Variants in PDSS2 observed in about 807,000 individuals in gnomAD.
PDSS2 encodes all trans-polyprenyl-diphosphate synthase PDSS2.
PDSS2 carries 31 observed loss-of-function variants against 44.5 expected under a neutral mutation model. That is an observed-to-expected ratio of 0.70 (90% CI 0.52 to 0.94). The LOEUF (loss-of-function observed/expected upper bound fraction) is 0.94, where lower values mean the gene tolerates loss of function less well. Ranked by LOEUF, PDSS2 falls within the 40% of genes least tolerant of loss-of-function variation. The pLI, the probability that PDSS2 is intolerant of heterozygous loss-of-function variation, is 0.00. For missense variants in PDSS2, 452 were observed against 482.2 expected (o/e 0.94, Z 0.59); for synonymous variants, 157 against 180.3 (o/e 0.87, Z 1.03).
At chr6:107,236,123 A>G (rs1373737954) in intron 4 of PDSS2, among the ~76,000 whole-genome samples, 1 of 152,206 alleles carries the variant, frequency 6.6e-6, no homozygotes, top group Non-Finnish European at 1.5e-5. Context: ...AAGAACATGA[A>G]AGCACATGAT....
chr6:107,182,674 A>C (rs894314659), intron 7 of PDSS2, among the ~76,000 whole-genome samples: 19 of 152,168 alleles, frequency 1.2e-4, no homozygotes, highest in African/African-American at 4.6e-4. Context: ...AGCTTCTATA[A>C]TTTACTGTAA....
chr6:107,436,427 G>A (rs1781351072), intron 1 of PDSS2, among the ~76,000 whole-genome samples: 1 of 152,086 alleles, frequency 6.6e-6, no homozygotes, highest in Non-Finnish European at 1.5e-5. Context: ...TCAAAATGAA[G>A]AACACAGACC....
chr6:107,187,760 C>T (rs764539971), intron 7 of PDSS2, among the ~76,000 whole-genome samples: 1 of 152,136 alleles, frequency 6.6e-6, no homozygotes, highest in Non-Finnish European at 1.5e-5. Context: ...TAACATAACA[C>T]GAATGTAATA....
intron 1 of PDSS2, among the ~76,000 whole-genome samples, chr6:107,441,392 G>A (rs1294966237): frequency 6.6e-6 from 1 of 152,204 alleles, no homozygotes; most frequent in Non-Finnish European, 1.5e-5. Context: ...GATGAAAATT[G>A]AGAAAGGCTG....
chr6:107,292,224 TAA>T (rs5878911), intron 2 of PDSS2, among the ~76,000 whole-genome samples: 57 of 142,452 alleles, frequency 4.0e-4, no homozygotes, highest in South Asian at 6.7e-4. Context: ...GTACTTCAAT[TAA>T]AAAAAAAAAA....
intron 4 of PDSS2, among the ~76,000 whole-genome samples, chr6:107,222,636 C>G (rs1582807977): frequency 8.0e-6 from 1 of 125,428 alleles, no homozygotes; most frequent in Non-Finnish European, 1.6e-5. Context: ...GCCTGGGTGA[C>G]AGAGCAAGAC....
At chr6:107,444,118 C>T (rs1781593331) in intron 1 of PDSS2, among the ~76,000 whole-genome samples, 1 of 152,140 alleles carries the variant, frequency 6.6e-6, no homozygotes, top group South Asian at 2.1e-4. Flanking sequence ...AGTCTCAACT[C>T]CCAGGCTCAA....
chr6:107,193,169 G>A (rs61373860), intron 7 of PDSS2, among the ~76,000 whole-genome samples: 21,823 of 152,196 alleles, frequency 0.14, 2,076 homozygotes, highest in Non-Finnish European at 0.2. Flanking sequence ...CTGACCTCCC[G>A]CAGCAGTTTT....
At chr6:107,297,530 C>G (rs566156526) in intron 2 of PDSS2, among the ~76,000 whole-genome samples, 1 of 150,656 alleles carries the variant, frequency 6.6e-6, no homozygotes, top group African/African-American at 2.4e-5. Flanking sequence ...TTACAGGCGT[C>G]CGTCACCATG....
intron 4 of PDSS2, among the ~76,000 whole-genome samples, chr6:107,240,675 G>A (rs1264511126): frequency 6.6e-6 from 1 of 151,546 alleles, no homozygotes; most frequent in Non-Finnish European, 1.5e-5. Context: ...TGGGATTACA[G>A]GCGTGAGCCA....
intron 1 of PDSS2, among the ~76,000 whole-genome samples, chr6:107,433,270 A>AC (rs397888749): frequency 6.6e-6 from 1 of 151,368 alleles, no homozygotes; most frequent in Admixed American, 6.6e-5. Flanking sequence ...AAAAAAAAAA[A>AC]CCCTAAAATT....
chr6:107,255,892 T>C (rs57271891), intron 3 of PDSS2, among the ~76,000 whole-genome samples: 12 of 152,196 alleles, frequency 7.9e-5, no homozygotes, highest in Admixed American at 7.2e-4. Flanking sequence ...AGAGGCAAGA[T>C]AAAACAGAAT....
At chr6:107,299,999 C>A (rs1776641310) in intron 2 of PDSS2, among the ~76,000 whole-genome samples, 1 of 152,096 alleles carries the variant, frequency 6.6e-6, no homozygotes, top group African/African-American at 2.4e-5. Context: ...CTACATGAAA[C>A]CCTCCATACC....
At chr6:107,395,301 A>T (rs1299324446) in intron 1 of PDSS2, among the ~76,000 whole-genome samples, 2 of 152,084 alleles carry the variant, frequency 1.3e-5, no homozygotes, top group Non-Finnish European at 2.9e-5. Context: ...TTTGTGGCCT[A>T]TTGAGCTTCT....
At chr6:107,339,191 G>A (rs1778001978) in intron 1 of PDSS2, among the ~76,000 whole-genome samples, 1 of 152,194 alleles carries the variant, frequency 6.6e-6, no homozygotes, top group Non-Finnish European at 1.5e-5. Context: ...ACAGAAGCCT[G>A]GAATATGTGA....
intron 1 of PDSS2, among the ~76,000 whole-genome samples, chr6:107,340,409 T>A (rs1289802412): frequency 2.6e-5 from 4 of 152,236 alleles, no homozygotes; most frequent in African/African-American, 4.8e-5. Context: ...CAGTTCTCAC[T>A]GCATCATATC....
At position 107,318,713 on chromosome 6, in the gene PDSS2, C is replaced by T. The variant is rs550147610; in HGVS notation, c.431+15485G>A. Among the ~76,000 whole-genome samples, 19 of 152,214 alleles carry T rather than the reference C, an allele frequency of 1.2e-4. No homozygotes were observed. The East Asian group carries it at 3.5e-3, about 28-fold the overall frequency. On this transcript the variant is annotated intron_variant, in intron 2 of 7. Coordinates refer to ENST00000369037, the MANE Select transcript of PDSS2 (RefSeq NM_020381.4). ...ATATACTCAGTTCATCGGCCGGGCA[C>T]GGTGGCTCACGCCTGTAATTCTCAG...
At chr6:107,232,865 G>T (rs1774096382) in intron 4 of PDSS2, among the ~76,000 whole-genome samples, 1 of 151,336 alleles carries the variant, frequency 6.6e-6, no homozygotes, top group Non-Finnish European at 1.5e-5. Flanking sequence ...TTTGAGACAG[G>T]GTCTTGCTCT....
At chr6:107,174,535 C>T (rs566289943) in intron 7 of PDSS2, among the ~76,000 whole-genome samples, 2 of 152,258 alleles carry the variant, frequency 1.3e-5, no homozygotes, top group African/African-American at 2.4e-5. Flanking sequence ...AAGATTCTAG[C>T]TGATAGTGCT....
Sources: allele counts gnomAD v4.1 joint callset (sites outside exome capture counted in the v4.1 genomes callset), GRCh38; gene constraint gnomAD v4.1.1; transcripts MANE v1.5; gene names NCBI Gene and HGNC (gene_info 2026-07-23, HGNC 2026-07-21).